Variants in F13A1 observed in about 807,000 individuals in gnomAD.
F13A1 encodes FSF, A subunit.
F13A1 carries 47 observed loss-of-function variants against 80.1 expected under a neutral mutation model. The observed-to-expected ratio is 0.59, with a 90% confidence interval of 0.46 to 0.75. The LOEUF is 0.75. F13A1 is among the 30% of genes least tolerant of loss of function. The pLI, the probability that F13A1 is intolerant of heterozygous loss-of-function variation, is 0.00. For missense variants in F13A1, 817 were observed against 930.4 expected, an observed-to-expected ratio of 0.88 and a Z score of 1.59; for synonymous variants, 349 against 344.9, an observed-to-expected ratio of 1.01 and a Z score of -0.13.
chr6:6,170,615 A>G (rs1344017700), intron 12 of F13A1, among the ~76,000 whole-genome samples: 1 of 152,228 alleles, frequency 6.6e-6, no homozygotes, highest in Non-Finnish European at 1.5e-5. Flanking sequence ...TTTTCCAAAA[A>G]GCAAAGAAAA....
At chr6:6,201,118 C>T (rs190412767) in intron 8 of F13A1, among the ~76,000 whole-genome samples, 41 of 152,316 alleles carry the variant, frequency 2.7e-4, no homozygotes, top group African/African-American at 9.6e-4. Context: ...GATTAATAGG[C>T]TCCAGAATAG....
chr6:6,159,954 T>C (rs1333241201), intron 13 of F13A1, among the ~76,000 whole-genome samples: 1 of 152,034 alleles, frequency 6.6e-6, no homozygotes, highest in African/African-American at 2.4e-5. Context: ...GCGCAACCTT[T>C]CCCCATTTCA....
chr6:6,166,108 C>T (rs181713585), intron 13 of F13A1, among the ~76,000 whole-genome samples: 1 of 152,382 alleles, frequency 6.6e-6, no homozygotes, highest in African/African-American at 2.4e-5. Flanking sequence ...TGCAGCCAGC[C>T]TGCTGGGGTT....
At chr6:6,182,220 C>T (rs933631154) in intron 10 of F13A1, 79 bp from the exon 11 acceptor site, 40 of 1,495,710 alleles carry the variant, frequency 2.7e-5, no homozygotes, top group South Asian at 1.9e-4. Flanking sequence ...ATAGAGCAGT[C>T]GTCTAGAGAT....
chr6:6,247,274 G>A (rs942430350), intron 6 of F13A1, among the ~76,000 whole-genome samples: 1 of 152,054 alleles, frequency 6.6e-6, no homozygotes, highest in Non-Finnish European at 1.5e-5. Flanking sequence ...ATTTCATTTA[G>A]CTCAAAAGAA....
intron 3 of F13A1, among the ~76,000 whole-genome samples, chr6:6,302,789 TAAG>T (rs2113179230): frequency 6.6e-6 from 1 of 152,346 alleles, no homozygotes; most frequent in Non-Finnish European, 1.5e-5. Context: ...CAGAATCTCA[TAAG>T]ATCACCTATG....
chr6:6,212,747 T>C (rs968499102), intron 8 of F13A1, among the ~76,000 whole-genome samples: 30 of 152,140 alleles, frequency 2.0e-4, no homozygotes, highest in African/African-American at 7.0e-4. Context: ...CGGGAGGACA[T>C]TCAAACCAAA....
chr6:6,315,574 C>T (rs1206473185), intron 2 of F13A1, among the ~76,000 whole-genome samples: 2 of 152,166 alleles, frequency 1.3e-5, no homozygotes, highest in African/African-American at 4.8e-5. Flanking sequence ...GCGTTATATA[C>T]ACTCAGTATA....
chr6:6,312,747 T>A (rs62408039), intron 2 of F13A1, among the ~76,000 whole-genome samples: 1 of 151,024 alleles, frequency 6.6e-6, no homozygotes, highest in Non-Finnish European at 1.5e-5. Flanking sequence ...AAAAATAAAA[T>A]AAAACTTGGC....
chr6:6,297,161 G>T (rs1758342108), intron 3 of F13A1, among the ~76,000 whole-genome samples: 1 of 150,830 alleles, frequency 6.6e-6, no homozygotes, highest in Non-Finnish European at 1.5e-5. Context: ...GTATTTTACT[G>T]AGGATTTTTG....
chr6:6,151,960 G>A lies in F13A1; in HGVS notation c.1909-11C>T, dbSNP rs1177294045. ...CTGAGTGCCACGGACCTAAGAGAGA[G>A]AATGCAGGTCATTAGCACCAAATAA... On this transcript the variant is annotated splice_polypyrimidine_tract_variant and intron_variant, in intron 13 of 14. Coordinates refer to ENST00000264870, the MANE Select transcript of F13A1 (RefSeq NM_000129.4). 2 of 1,613,870 alleles carry A rather than the reference G, an allele frequency of 1.2e-6. No individual in the cohort carries two copies. The highest frequency in any genetic ancestry group is 1.7e-6 in the Non-Finnish European group (2 of 1,179,862).
chr6:6,248,215 T>G, intron 6 of F13A1, 97 bp downstream of exon 6: 1 of 969,014 alleles, frequency 1.0e-6, no homozygotes, highest in South Asian at 1.4e-5. Flanking sequence ...GTTTATTAAG[T>G]GTAAGTCATC....
chr6:6,213,126 T>C (rs373062357), intron 8 of F13A1, among the ~76,000 whole-genome samples: 1 of 152,014 alleles, frequency 6.6e-6, no homozygotes, highest in African/African-American at 2.4e-5. Flanking sequence ...TCCAGGAGAA[T>C]TTCCCCAATC....
intron 3 of F13A1, among the ~76,000 whole-genome samples, chr6:6,268,442 C>T (rs1195390419): frequency 3.3e-5 from 5 of 152,140 alleles, no homozygotes; most frequent in Admixed American, 6.6e-5. Flanking sequence ...GTTTGAGAGT[C>T]GGCCTGTTCT....
chr6:6,285,544 A>G (rs924287851), intron 3 of F13A1, among the ~76,000 whole-genome samples: 4 of 152,268 alleles, frequency 2.6e-5, no homozygotes, highest in African/African-American at 9.6e-5. Flanking sequence ...TGAAGGCTAA[A>G]GAAATGCTCA....
At chr6:6,188,885 T>C in intron 10 of F13A1, among the ~76,000 whole-genome samples, 1 of 74,278 alleles carries the variant, frequency 1.3e-5, no homozygotes, top group Non-Finnish European at 2.3e-5. Flanking sequence ...TCTAAGAACT[T>C]GCTTTATGAA....
intron 2 of F13A1, among the ~76,000 whole-genome samples, chr6:6,313,215 A>G (rs959811169): frequency 2.6e-5 from 4 of 151,692 alleles, no homozygotes; most frequent in Admixed American, 2.0e-4. Flanking sequence ...CAAACAGGAA[A>G]TGAATTTGCT....
Position 6,248,252 on chromosome 6 carries a change from A to G in F13A1, c.798+60T>C, listed in dbSNP as rs1439276787. ...TTTCAGCAGCTCTTAATGAACTGGC[A>G]TATATACTGAGGCAAATGACAGGTG... On this transcript the variant is annotated intron_variant, in intron 6 of 14. Transcript: ENST00000264870. 26 of 1,321,424 alleles carry G rather than the reference A, an allele frequency of 2.0e-5. No individual in the cohort carries two copies. In the South Asian group the frequency reaches 2.2e-4, roughly 11 times the overall value. The allele number at this position is 1,321,424 out of a possible 1,614,324, so 81.9% of individuals were successfully genotyped here. A position where few individuals can be genotyped will look rare whatever the true frequency, so the allele number is the denominator to read the frequency against.
intron 6 of F13A1, among the ~76,000 whole-genome samples, chr6:6,240,627 G>A (rs1321973189): frequency 6.6e-6 from 1 of 152,106 alleles, no homozygotes; most frequent in African/African-American, 2.4e-5. Context: ...TTTATGGAAT[G>A]GATTTATGCA....
Sources: gnomAD v4.1 joint callset for allele counts (sites outside exome capture counted in the v4.1 genomes callset) on GRCh38, gnomAD v4.1.1 for gene constraint, MANE v1.5 for transcripts, NCBI Gene and HGNC (gene_info 2026-07-23, HGNC 2026-07-21) for gene names.